Variants in ROBO2 observed in about 807,000 individuals in gnomAD.
ROBO2 encodes roundabout guidance receptor 2.
Under a neutral mutation model 160.8 loss-of-function variants are expected in ROBO2, and 53 were observed. The observed-to-expected ratio is 0.33, with a 90% CI of 0.26 to 0.41. The LOEUF (loss-of-function observed/expected upper bound fraction) is 0.41. Ranked by LOEUF, ROBO2 falls within the 10% of genes least tolerant of loss-of-function variation. ROBO2 has a pLI of 1.00. For synonymous variants in ROBO2, 664 were observed against 611.7 expected, an observed-to-expected ratio of 1.09 and a Z score of -1.26; for missense variants, 1,577 against 1,722.4, an observed-to-expected ratio of 0.92 and a Z score of 1.49.
intron 2 of ROBO2, among the ~76,000 whole-genome samples, chr3:76,194,811 G>T (rs556449184): frequency 6.6e-6 from 1 of 151,994 alleles, no homozygotes; most frequent in African/African-American, 2.4e-5. Context: ...GTAGAGACGG[G>T]GTTTCACCAT....
intron 2 of ROBO2, among the ~76,000 whole-genome samples, chr3:76,093,940 T>C (rs2108113148): frequency 6.6e-6 from 1 of 152,248 alleles, no homozygotes; most frequent in Non-Finnish European, 1.5e-5. Flanking sequence ...TTCATAGGGT[T>C]GTCTGGTTAA....
At chr3:76,007,729 C>T (rs1576457564) in intron 2 of ROBO2, among the ~76,000 whole-genome samples, 1 of 152,106 alleles carries the variant, frequency 6.6e-6, no homozygotes. Flanking sequence ...AGCCAAGTTT[C>T]ATATTTTTAA....
intron 2 of ROBO2, among the ~76,000 whole-genome samples, chr3:76,077,091 A>C (rs1428602679): frequency 6.6e-6 from 1 of 152,198 alleles, no homozygotes; most frequent in Non-Finnish European, 1.5e-5. Context: ...ATCCCCAAAA[A>C]CATAATTTTC....
intron 2 of ROBO2, among the ~76,000 whole-genome samples, chr3:77,443,799 A>G (rs1052476923): frequency 6.6e-6 from 1 of 152,158 alleles, no homozygotes. Context: ...GCCAGCAGGC[A>G]GACATAGCAT....
chr3:77,543,790 T>G (rs1390650241), intron 6 of ROBO2, among the ~76,000 whole-genome samples: 1 of 152,170 alleles, frequency 6.6e-6, no homozygotes, highest in Non-Finnish European at 1.5e-5. Flanking sequence ...TCCAGGACTC[T>G]AAGGTTTTAC....
At chr3:76,715,997 A>T in intron 2 of ROBO2, among the ~76,000 whole-genome samples, 1 of 152,202 alleles carries the variant, frequency 6.6e-6, no homozygotes, top group East Asian at 1.9e-4. Context: ...TTTGGTTGGA[A>T]GCTTTGTTCT....
At chr3:75,950,035 T>TGA (rs1948477026) in intron 2 of ROBO2, among the ~76,000 whole-genome samples, 1 of 151,776 alleles carries the variant, frequency 6.6e-6, no homozygotes, top group African/African-American at 2.4e-5. Flanking sequence ...TGTGTGTGTG[T>TGA]GTGAGTGTGC....
chr3:76,560,355 C>T (rs2108482736), intron 2 of ROBO2, among the ~76,000 whole-genome samples: 2 of 152,182 alleles, frequency 1.3e-5, no homozygotes, highest in Admixed American at 1.3e-4. Context: ...AGGTGATACA[C>T]ATGTACATGA....
chr3:77,111,313 T>C (rs1011763179), intron 2 of ROBO2, among the ~76,000 whole-genome samples: 13 of 152,100 alleles, frequency 8.5e-5, no homozygotes, highest in African/African-American at 2.7e-4. Flanking sequence ...TGTCTACTAC[T>C]AGAGATACTA....
intron 23 of ROBO2, among the ~76,000 whole-genome samples, chr3:77,627,448 T>A (rs1186963119): frequency 6.6e-6 from 1 of 151,834 alleles, no homozygotes; most frequent in African/African-American, 2.4e-5. Flanking sequence ...CTAAGCTATT[T>A]TTTTTTTTGT....
At chr3:76,054,561 G>T (rs1196741071) in intron 2 of ROBO2, among the ~76,000 whole-genome samples, 1 of 152,034 alleles carries the variant, frequency 6.6e-6, no homozygotes, top group Non-Finnish European at 1.5e-5. Context: ...CATGCCTATT[G>T]CATGTTGTCA....
At chr3:76,644,988 A>G (rs995815009) in intron 2 of ROBO2, among the ~76,000 whole-genome samples, 25 of 152,192 alleles carry the variant, frequency 1.6e-4, no homozygotes, top group African/African-American at 6.0e-4. Flanking sequence ...TCATATTTTA[A>G]GGGCACAATG....
upstream of ROBO2, among the ~76,000 whole-genome samples, chr3:77,036,887 A>G (rs2063669502): frequency 2.0e-5 from 3 of 150,326 alleles, no homozygotes; most frequent in African/African-American, 7.3e-5. Context: ...TTGCTAAAGC[A>G]CTGCTAAAAT....
At chr3:76,117,488 CTG>C (rs1461289185) in intron 2 of ROBO2, among the ~76,000 whole-genome samples, 1 of 152,114 alleles carries the variant, frequency 6.6e-6, no homozygotes, top group Admixed American at 6.5e-5. Flanking sequence ...AAGAATGTCT[CTG>C]TGTATGTCAA....
At chr3:77,409,154 G>T (rs931793818) in intron 2 of ROBO2, among the ~76,000 whole-genome samples, 2 of 147,656 alleles carry the variant, frequency 1.4e-5, no homozygotes, top group Non-Finnish European at 3.0e-5. Flanking sequence ...TCATTTTTTT[G>T]CAGAGTAAAC....
intron 2 of ROBO2, among the ~76,000 whole-genome samples, chr3:77,284,762 T>A (rs577633439): frequency 5.5e-4 from 84 of 152,124 alleles, no homozygotes; most frequent in Non-Finnish European, 1.0e-3. Context: ...TATAATAATA[T>A]TATTAATAAT....
chr3:76,724,331 T>G (rs180719019), intron 2 of ROBO2, among the ~76,000 whole-genome samples: 26 of 152,284 alleles, frequency 1.7e-4, no homozygotes, highest in Admixed American at 1.2e-3. Flanking sequence ...CAATCAAATA[T>G]GTTCAACAAA....
At chr3:76,114,102 C>A (rs1224199143) in intron 2 of ROBO2, among the ~76,000 whole-genome samples, 2 of 152,174 alleles carry the variant, frequency 1.3e-5, no homozygotes, top group Non-Finnish European at 2.9e-5. Flanking sequence ...TAGTCTCAGG[C>A]ATTCCTTTAT....
intron 2 of ROBO2, among the ~76,000 whole-genome samples, chr3:76,688,294 T>A (rs1044215262): frequency 6.6e-6 from 1 of 151,962 alleles, no homozygotes; most frequent in African/African-American, 2.4e-5. Context: ...CAATTGTTGG[T>A]GAGAATTTAT....
Sources: gnomAD v4.1 joint callset for allele counts (sites outside exome capture counted in the v4.1 genomes callset) on GRCh38, gnomAD v4.1.1 for gene constraint, MANE v1.5 for transcripts, NCBI Gene and HGNC (gene_info 2026-07-23, HGNC 2026-07-21) for gene names.